NLRP14: variants seen among roughly 807,000 people sequenced by gnomAD.
NLRP14 encodes NLR family pyrin domain containing 14, also known as NACHT, LRR and PYD domains-containing protein 14.
A neutral mutation model predicts 94.7 loss-of-function variants in NLRP14; 105 were observed. The observed-to-expected ratio is 1.11, with a 90% CI of 0.95 to 1.30. The LOEUF (loss-of-function observed/expected upper bound fraction) is 1.30. Among genes scored for constraint, NLRP14 ranks in the 50% most tolerant of loss-of-function variants. The pLI, the probability that NLRP14 is intolerant of heterozygous loss-of-function variation, is 0.00. For missense variants in NLRP14, 1,362 were observed against 1,254.1 expected (o/e 1.09, Z -1.30); for synonymous variants, 508 against 459.9 (o/e 1.10, Z -1.34).
Position 7,071,329 on chromosome 11 carries a change from T to C in NLRP14, c.*21T>C, listed in dbSNP as rs766708105. On this transcript the variant is annotated 3_prime_UTR_variant, in exon 12 of 12. Transcript: ENST00000299481. ...TCTGATTTGAAGAAACTGACATTCC[T>C]TTAAAAATATAAATATAAATACATA... 1.3e-6 allele frequency: 2 copies of C among 1,597,048 alleles called. No homozygotes were observed. The highest frequency in any genetic ancestry group is 4.5e-5 in the East Asian group (2 of 44,530).
downstream of NLRP14, among the ~76,000 whole-genome samples, chr11:7,075,384 G>A (rs1228595828): frequency 6.6e-6 from 1 of 152,114 alleles, no homozygotes; most frequent in Admixed American, 6.5e-5. Context: ...GCTGATAGGA[G>A]GAATATTATA....
In NLRP14 at chr11:7,057,734, C is replaced by T. The variant is rs1342485400; in HGVS notation, c.2349C>T (p.Ile783=). ...GTCTAAATATATCTAATGCTCTCAT[C>T]AGAAGCCAGAGCCTGATATTTCTGA... is the stretch of plus-strand genomic sequence containing the variant. ...FCCLNISNAL[I]RSQSLIFLNL... Residue 783 remains isoleucine (I), a synonymous_variant, in exon 7 of 12, where the codon ATC becomes ATT. Coordinates refer to ENST00000299481, the MANE Select transcript of NLRP14 (RefSeq NM_176822.4). 6.2e-7 allele frequency: 1 copy of T among 1,611,990 alleles called. No homozygotes were observed. Among genetic ancestry groups the T allele is most frequent in the Non-Finnish European group, 8.5e-7 (1 of 1,178,208 alleles).
intron 6 of NLRP14, among the ~76,000 whole-genome samples, chr11:7,056,515 CAAAAA>C (rs60703550): frequency 9.0e-5 from 11 of 122,862 alleles, no homozygotes; most frequent in East Asian, 4.7e-4. Context: ...AGCACTAATA[CAAAAA>C]AAAAAAAAAA....
In NLRP14 at chr11:7,043,546, C is replaced by T; in HGVS notation, c.1520C>T (p.Pro507Leu). 1 of 1,614,134 alleles carries T rather than the reference C, an allele frequency of 6.2e-7. No homozygotes were observed. The highest frequency in any genetic ancestry group is 8.5e-7 in the Non-Finnish European group (1 of 1,180,000). Residue 507 changes from proline to leucine, a missense_variant, in exon 4 of 12, where the codon CCT becomes CTT. Transcript: ENST00000299481. The stretch of plus-strand genomic sequence containing the variant: ...GAAGCTGGGAACCCTTCCTGCCAGC[C>T]TTTTGAAGATTTGAAGTCATTACTT... ...SWEAGNPSCQ[P>L]FEDLKSLLQS...
At chr11:7,084,391 C>G in the NLRP14 span, among the ~76,000 whole-genome samples, 1 of 152,152 alleles carries the variant, frequency 6.6e-6, no homozygotes, top group African/African-American at 2.4e-5. Context: ...TGGCGGGCTA[C>G]TGGATAGCTT....
At chr11:7,072,965 C>T (rs188972833), downstream of NLRP14, among the ~76,000 whole-genome samples, 13 of 152,244 alleles carry the variant, frequency 8.5e-5, no homozygotes, top group East Asian at 1.9e-4. Context: ...AAAAGGTTTA[C>T]GAGTGCTTGA....
At chr11:7,089,984 G>A in the NLRP14 span, 1 of 1,613,024 alleles carries the variant, frequency 6.2e-7, no homozygotes, top group Admixed American at 1.7e-5. Context: ...GCTACGGAGA[G>A]CTGCGCGGCG....
intron 5 of NLRP14, among the ~76,000 whole-genome samples, chr11:7,048,050 A>T (rs895322908): frequency 1.3e-5 from 2 of 151,970 alleles, no homozygotes; most frequent in African/African-American, 4.8e-5. Flanking sequence ...ATGAGCCACC[A>T]CACCTGGCTA....
intron 9 of NLRP14, among the ~76,000 whole-genome samples, chr11:7,061,633 C>T (rs770732227): frequency 2.0e-5 from 3 of 152,100 alleles, no homozygotes; most frequent in Non-Finnish European, 1.5e-5. Context: ...ATATTCCATA[C>T]GTTGTTATAA....
chr11:7,088,809 G>C, the NLRP14 span, among the ~76,000 whole-genome samples: 2 of 152,118 alleles, frequency 1.3e-5, no homozygotes, highest in Non-Finnish European at 2.9e-5. Flanking sequence ...CCACCTAACG[G>C]CTTTTCCCTG....
chr11:7,070,772 A>C (rs1852782273), intron 11 of NLRP14, among the ~76,000 whole-genome samples: 1 of 152,120 alleles, frequency 6.6e-6, no homozygotes, highest in Admixed American at 6.5e-5. Context: ...GAAATGATAA[A>C]ATCTACCCAT....
At chr11:7,033,515 A>G (rs148841396) in intron 1 of NLRP14, among the ~76,000 whole-genome samples, 2 of 152,150 alleles carry the variant, frequency 1.3e-5, no homozygotes, top group Non-Finnish European at 2.9e-5. Context: ...ACATTTTTCT[A>G]TTCCTGAATA....
In NLRP14 at chr11:7,059,827, T is replaced by C. The variant is rs561991193; in HGVS notation, c.2634-67T>C. 10 of 1,350,066 alleles carry C rather than the reference T, an allele frequency of 7.4e-6. No individual in the cohort carries two copies. In the African/African-American group the frequency reaches 1.4e-4, roughly 19 times the overall value. 83.6% of individuals were successfully genotyped at this position (1,350,066 alleles called of 1,614,324 possible). On this transcript the variant is annotated intron_variant, in intron 8 of 11. Transcript: ENST00000299481. ...TAAGGGATCAAATCATGAAATCTCT[T>C]CAGAGAAAGAAATCTCTGGACAGTA...
rs142244782 is a variant in NLRP14 at position 7,055,217 on chromosome 11, G to T, written c.2292-2460G>T. Among the ~76,000 whole-genome samples, 31 of 152,128 alleles carry T rather than the reference G, an allele frequency of 2.0e-4. 1 individual carries two copies. Among genetic ancestry groups the T allele is most frequent in the African/African-American group, 7.0e-4 (29 of 41,514 alleles). On this transcript the variant is annotated intron_variant, in intron 6 of 11. Coordinates refer to ENST00000299481, the MANE Select transcript of NLRP14 (RefSeq NM_176822.4). ...ATTAATTTATCTGATGATTCACCTT[G>T]GTTTAGAATAGGCCCATGAAGCCTA...
At chr11:7,048,723 T>C (rs137968232) in intron 5 of NLRP14, among the ~76,000 whole-genome samples, 8 of 152,292 alleles carry the variant, frequency 5.3e-5, no homozygotes, top group Non-Finnish European at 1.0e-4. Context: ...GTCCCTTCAT[T>C]GGATGTCATC....
the NLRP14 span, among the ~76,000 whole-genome samples, chr11:7,085,641 C>T: frequency 6.7e-6 from 1 of 149,900 alleles, no homozygotes; most frequent in Admixed American, 6.6e-5. Context: ...TCCAGGACCA[C>T]CAAGGATACC....
chr11:7,089,136 C>T, the NLRP14 span: 3 of 1,613,888 alleles, frequency 1.9e-6, no homozygotes, highest in African/African-American at 2.7e-5. Flanking sequence ...TGAAGCGGAT[C>T]GCCCGGGGAA....
downstream of NLRP14, among the ~76,000 whole-genome samples, chr11:7,075,126 G>C (rs79909733): frequency 6.6e-6 from 1 of 152,066 alleles, no homozygotes; most frequent in Admixed American, 6.5e-5. Context: ...CTGACCTCCC[G>C]TCTCTCCTGA....
In NLRP14 at chr11:7,023,393, TTTTTTATATAAAAACA is replaced by T. The variant is rs1379933333; in HGVS notation, c.-22+2643_-22+2658del. The stretch of plus-strand genomic sequence containing the variant: ...ATATATATCATGTTTAGCTTGGAAA[TTTTTTATATAAAAACA>T]TTTTTATATAAAAACATTTGTACTA... On this transcript the variant is annotated intron_variant, in intron 1 of 11. Transcript: ENST00000299481. Among the ~76,000 whole-genome samples, 17 of 146,414 alleles carry T rather than the reference TTTTTTATATAAAAACA, an allele frequency of 1.2e-4. No homozygotes were observed. The South Asian group carries it at 1.5e-3, about 13-fold the overall frequency.
Sources: gnomAD v4.1 joint callset for allele counts (sites outside exome capture counted in the v4.1 genomes callset) on GRCh38, gnomAD v4.1.1 for gene constraint, MANE v1.5 for transcripts, NCBI Gene and HGNC (gene_info 2026-07-23, HGNC 2026-07-21) for gene names.